The following MFF variants were observed in gnomAD, a reference collection of about 807,000 sequenced individuals.
MFF encodes mitochondrial fission factor.
Under a neutral mutation model 36.9 loss-of-function variants are expected in MFF, and 12 were observed. That is an observed-to-expected ratio of 0.33 (90% confidence interval 0.21 to 0.53). MFF has a LOEUF of 0.53. MFF is among the 20% of genes least tolerant of loss of function. The probability of loss-of-function intolerance (pLI) is 0.95; values close to 1 mark genes in which losing one functional copy is unlikely to be tolerated. For synonymous variants in MFF, 99 were observed against 126.2 expected (o/e 0.78, Z 1.44); for missense variants, 348 against 366.6 (o/e 0.95, Z 0.42).
chr2:227,338,566 T>C (rs2075180944), intron 4 of MFF, among the ~76,000 whole-genome samples: 2 of 151,872 alleles, frequency 1.3e-5, no homozygotes, highest in African/African-American at 4.8e-5. Context: ...GCGCAGTGGC[T>C]CACGCCTGTA....
intron 4 of MFF, among the ~76,000 whole-genome samples, chr2:227,334,452 G>A (rs1222873882): frequency 6.6e-6 from 1 of 152,196 alleles, no homozygotes; most frequent in Non-Finnish European, 1.5e-5. Flanking sequence ...GGGAGCCAGG[G>A]TTCTAGTAGC....
intron 7 of MFF, among the ~76,000 whole-genome samples, chr2:227,353,006 T>C (rs2076076852): frequency 6.6e-6 from 1 of 152,222 alleles, no homozygotes; most frequent in South Asian, 2.1e-4. Context: ...TTGTAAGGCT[T>C]CATCTTAAAT....
intron 1 of MFF, among the ~76,000 whole-genome samples, chr2:227,326,268 G>C (rs2074117967): frequency 6.7e-6 from 1 of 148,572 alleles, no homozygotes; most frequent in Non-Finnish European, 1.5e-5. Context: ...CCCAAATATA[G>C]AACCATTTGT....
At chr2:227,342,891 A>G in intron 5 of MFF, 4 of 1,303,966 alleles carry the variant, frequency 3.1e-6, no homozygotes, top group Non-Finnish European at 4.4e-6. Flanking sequence ...ATACTAATCT[A>G]TTCACCAGGT....
At chr2:227,347,986 A>G (rs2075799054) in intron 6 of MFF, among the ~76,000 whole-genome samples, 2 of 147,786 alleles carry the variant, frequency 1.4e-5, no homozygotes, top group Non-Finnish European at 3.0e-5. Flanking sequence ...ACTTATTCAT[A>G]CAAATAATTT....
At chr2:227,347,154 C>A in intron 5 of MFF, 72 bp from the exon 6 acceptor site, 1 of 1,359,628 alleles carries the variant, frequency 7.4e-7, no homozygotes, top group South Asian at 1.3e-5. Flanking sequence ...AAGATAAAGA[C>A]TGCTCAGCTG....
intron 1 of MFF, among the ~76,000 whole-genome samples, chr2:227,326,492 T>G (rs190712133): frequency 2.0e-4 from 30 of 152,302 alleles, no homozygotes; most frequent in Admixed American, 1.6e-3. Flanking sequence ...TTCAAAGGCT[T>G]GTATATTGGT....
At position 227,330,927 on chromosome 2, in the gene MFF, T is replaced by A. The variant is rs117330960; in HGVS notation, c.181+81T>A. The A allele has an allele frequency of 2.3e-3, 2,738 of 1,189,904 alleles. 58 individuals are homozygous for A. In the Admixed American group the frequency reaches 0.038, roughly 17 times the overall value. 73.7% of individuals were successfully genotyped at this position (1,189,904 alleles called of 1,614,324 possible). ...ATGAAAACTTTTGAGTTTTTCTAAATGTTATTTAGAAAAGGAGTTGGAAAA... is the reference window on the plus strand; with the variant it reads ...ATGAAAACTTTTGAGTTTTTCTAAAAGTTATTTAGAAAAGGAGTTGGAAAA... On this transcript the variant is annotated intron_variant, in intron 3 of 8. Transcript: ENST00000304593.
intron 4 of MFF, among the ~76,000 whole-genome samples, chr2:227,335,840 A>G (rs1038570372): frequency 6.6e-6 from 1 of 152,236 alleles, no homozygotes; most frequent in Non-Finnish European, 1.5e-5. Flanking sequence ...AACACTTTCA[A>G]TATGCCTAAT....
intron 4 of MFF, among the ~76,000 whole-genome samples, chr2:227,333,442 C>T (rs1430271423): frequency 6.6e-6 from 1 of 152,050 alleles, no homozygotes; most frequent in African/African-American, 2.4e-5. Flanking sequence ...TAAATCTGAG[C>T]CTTTACATGA....
chr2:227,347,104 G>C lies in MFF; in HGVS notation c.441-122G>C, dbSNP rs1574971315. 8 of 719,990 alleles carry C rather than the reference G, an allele frequency of 1.1e-5. No homozygotes were observed. The East Asian group carries it at 1.8e-4, about 16-fold the overall frequency. The allele number at this position is 719,990 out of a possible 1,614,324, so 44.6% of individuals were successfully genotyped here. A position where few individuals can be genotyped will look rare whatever the true frequency, so the allele number is the denominator to read the frequency against. On this transcript the variant is annotated intron_variant, in intron 5 of 8. Transcript: ENST00000304593. ...TTCTTTGACTGTTTTCTTGTGGGGA[G>C]AGTGAAGGGTGGGAAAGGGGCAAGA...
At chr2:227,335,171 CAAA>C (rs386392817) in intron 4 of MFF, among the ~76,000 whole-genome samples, 3 of 128,664 alleles carry the variant, frequency 2.3e-5, no homozygotes, top group Non-Finnish European at 1.6e-5. Context: ...CTCTGTCTCT[CAAA>C]AAAAAAAAAA....
In MFF at chr2:227,330,783, T is replaced by G; in HGVS notation, c.118T>G (p.Phe40Val). Residue 40 changes from phenylalanine to valine, a missense_variant, in exon 3 of 9, where the codon TTC becomes GTC. Phe to Val is a conservative substitution (Grantham distance 50). Coordinates refer to ENST00000304593, the MANE Select transcript of MFF (RefSeq NM_001277062.2). ...GCCAAACGCTGACCTGGAACAAGGA[T>G]TCCAAGAAGGAGTTCCAAATGCTAG... ...APPNADLEQG[F>V]QEGVPNASVI... 6.2e-7 allele frequency: 1 copy of G among 1,614,172 alleles called. No homozygotes were observed. Among genetic ancestry groups the G allele is most frequent in the Non-Finnish European group, 8.5e-7 (1 of 1,179,986 alleles).
chr2:227,325,655 C>T (rs1387102828), intron 1 of MFF: 1 of 152,270 alleles, frequency 6.6e-6, no homozygotes, highest in Non-Finnish European at 1.5e-5. Flanking sequence ...GGAGCGTCTT[C>T]TGCAGGTGTT....
intron 7 of MFF, among the ~76,000 whole-genome samples, chr2:227,352,913 G>A (rs1440411087): frequency 6.6e-6 from 1 of 152,116 alleles, no homozygotes; most frequent in East Asian, 1.9e-4. Flanking sequence ...TTTAATGGTT[G>A]CCTGAATTGT....
At chr2:227,331,543 A>G (rs1574895664) in intron 3 of MFF, among the ~76,000 whole-genome samples, 1 of 152,246 alleles carries the variant, frequency 6.6e-6, no homozygotes, top group African/African-American at 2.4e-5. Flanking sequence ...GCTGGATTAT[A>G]TACAAGTTAT....
intron 2 of MFF, chr2:227,329,502 T>C (rs2074413152): frequency 2.6e-6 from 1 of 383,680 alleles, no homozygotes; most frequent in African/African-American, 2.3e-5. Context: ...CCCTAAGCCA[T>C]GTTCAAATCC....
At chr2:227,343,120 G>A (rs1388059349) in intron 5 of MFF, among the ~76,000 whole-genome samples, 2 of 151,848 alleles carry the variant, frequency 1.3e-5, no homozygotes, top group African/African-American at 4.8e-5. Flanking sequence ...GCTTTGGTTG[G>A]TATAATAGTT....
At chr2:227,341,766 A>G (rs984392024) in intron 5 of MFF, among the ~76,000 whole-genome samples, 2 of 152,140 alleles carry the variant, frequency 1.3e-5, no homozygotes, top group Non-Finnish European at 2.9e-5. Context: ...ACATTATCCT[A>G]AGGCAACAAA....
Sources: gnomAD v4.1 joint callset for allele counts (sites outside exome capture counted in the v4.1 genomes callset) on GRCh38, gnomAD v4.1.1 for gene constraint, MANE v1.5 for transcripts, NCBI Gene and HGNC (gene_info 2026-07-23, HGNC 2026-07-21) for gene names.